Variants in VRK3 observed in about 807,000 individuals in gnomAD.
The protein encoded by VRK3 is VRK serine/threonine kinase 3.
VRK3 carries 50 observed loss-of-function variants against 60.4 expected under a neutral mutation model. The observed-to-expected ratio is 0.83, with a 90% confidence interval of 0.66 to 1.05. VRK3 has a LOEUF of 1.05. Ranked by LOEUF, VRK3 falls within the 50% of genes least tolerant of loss-of-function variation. VRK3 has a pLI of 0.00. For synonymous variants in VRK3, 246 were observed against 227.8 expected (o/e 1.08, Z -0.72); for missense variants, 549 against 585.3 (o/e 0.94, Z 0.64).
intron 12 of VRK3, among the ~76,000 whole-genome samples, chr19:49,985,446 A>G (rs2076495428): frequency 6.6e-6 from 1 of 152,190 alleles, no homozygotes; most frequent in South Asian, 2.1e-4. Flanking sequence ...GCAAATTAGC[A>G]TCAAACTGTG....
At chr19:50,012,305 T>C (rs1415188660) in intron 3 of VRK3, among the ~76,000 whole-genome samples, 1 of 152,152 alleles carries the variant, frequency 6.6e-6, no homozygotes, top group African/African-American at 2.4e-5. Context: ...GCTCAAACTT[T>C]ACCCACTTAG....
chr19:50,007,594 C>T lies in VRK3; in HGVS notation c.522G>A (p.Arg174=). The T allele has an allele frequency of 6.2e-7, 1 of 1,614,214 alleles. No homozygotes were observed. Among genetic ancestry groups the T allele is most frequent in the Non-Finnish European group, 8.5e-7 (1 of 1,180,028 alleles). The change falls in exon 5 of 15, where the codon AGG becomes AGA. Residue 174 remains arginine (R), a synonymous_variant. Coordinates refer to ENST00000316763, the MANE Select transcript of VRK3 (RefSeq NM_016440.4). ...CTTCATAGAGAATGCCCTGGTTGTC[C>T]CTGGTCTGGAAGGACTTCAGCTTCC... ...RQWKLKSFQT[R]DNQGILYEAA...
At chr19:50,012,623 G>A (rs10411894) in intron 3 of VRK3, among the ~76,000 whole-genome samples, 8,011 of 152,240 alleles carry the variant, frequency 0.053, 693 homozygotes, top group African/African-American at 0.18. Flanking sequence ...CTCTGGCCGG[G>A]TGCAGTGGCT....
intron 3 of VRK3, among the ~76,000 whole-genome samples, chr19:50,014,318 G>C (rs1446882153): frequency 6.6e-6 from 1 of 151,794 alleles, no homozygotes; most frequent in Non-Finnish European, 1.5e-5. Context: ...CAGTACTTTG[G>C]GAGGCCGAGG....
intron 3 of VRK3, among the ~76,000 whole-genome samples, chr19:50,014,668 C>T (rs1230908538): frequency 1.3e-5 from 2 of 152,202 alleles, no homozygotes; most frequent in Non-Finnish European, 2.9e-5. Flanking sequence ...GAGGGAGCGG[C>T]AAGCGCACAG....
intron 12 of VRK3, 70 bp downstream of exon 12, chr19:49,988,302 T>C (rs1402760611): frequency 6.4e-7 from 1 of 1,559,618 alleles, no homozygotes; most frequent in African/African-American, 1.4e-5. Flanking sequence ...CCAGTTGGGC[T>C]CTGGGCTTCT....
intron 12 of VRK3, among the ~76,000 whole-genome samples, chr19:49,984,321 T>C (rs1437506438): frequency 6.6e-6 from 1 of 152,112 alleles, no homozygotes; most frequent in South Asian, 2.1e-4. Context: ...AGCTGTGCTG[T>C]CCTGTCTGCC....
At chr19:49,990,098 C>T (rs1203533723) in intron 10 of VRK3, among the ~76,000 whole-genome samples, 1 of 151,906 alleles carries the variant, frequency 6.6e-6, no homozygotes, top group Non-Finnish European at 1.5e-5. Context: ...CCACAGAGGC[C>T]TCACACCAGA....
chr19:49,985,890 T>C (rs1029631800), intron 12 of VRK3, among the ~76,000 whole-genome samples: 2 of 152,094 alleles, frequency 1.3e-5, no homozygotes, highest in African/African-American at 4.8e-5. Flanking sequence ...ATGGCCCAGG[T>C]TTGAGCCCAG....
At chr19:49,988,158 GT>G (rs1261175064) in intron 12 of VRK3, 4 of 541,794 alleles carry the variant, frequency 7.4e-6, no homozygotes, top group Non-Finnish European at 1.2e-5. Context: ...CACAGTGGTG[GT>G]GCCAGAGTCT....
intron 12 of VRK3, chr19:49,987,698 A>AG (rs2076539792): frequency 8.1e-6 from 1 of 122,828 alleles, no homozygotes; most frequent in Admixed American, 8.4e-5. Context: ...ACACACAATG[A>AG]GCTTTTTTTT....
At chr19:49,995,324 A>G (rs778792960) in intron 7 of VRK3, 49 bp from the exon 8 acceptor site, 40 of 1,558,238 alleles carry the variant, frequency 2.6e-5, no homozygotes, top group Non-Finnish European at 3.4e-5. Flanking sequence ...TCCCAAGCCC[A>G]TGGCAGTAAG....
chr19:50,022,111 T>A (rs2122703212), intron 1 of VRK3, among the ~76,000 whole-genome samples: 1 of 152,238 alleles, frequency 6.6e-6, no homozygotes, highest in Non-Finnish European at 1.5e-5. Context: ...CTGACTCCAC[T>A]CACCTAGAAA....
chr19:49,977,204 C>CA (rs2076345146), intron 14 of VRK3, among the ~76,000 whole-genome samples: 1 of 151,248 alleles, frequency 6.6e-6, no homozygotes, highest in Non-Finnish European at 1.5e-5. Flanking sequence ...GGTCTAGAAT[C>CA]AGAGGGGCGG....
In VRK3 at chr19:49,997,450, C is replaced by G. The variant is rs889067961; in HGVS notation, c.679+54G>C. 5 of 1,598,418 alleles carry G rather than the reference C, an allele frequency of 3.1e-6. No homozygotes were observed. In the Admixed American group the frequency reaches 6.8e-5, roughly 22 times the overall value. On this transcript the variant is annotated intron_variant, in intron 7 of 14. Transcript: ENST00000316763. ...TGCAGGTAGAAGTCAAGTGCTGTGACCAAGTTGGCGCCCCCCTCACTCTCC... is the reference window on the plus strand; with the variant it reads ...TGCAGGTAGAAGTCAAGTGCTGTGAGCAAGTTGGCGCCCCCCTCACTCTCC...
chr19:50,002,809 C>T (rs1242188571), intron 5 of VRK3, among the ~76,000 whole-genome samples: 3 of 152,108 alleles, frequency 2.0e-5, no homozygotes, highest in Admixed American at 1.3e-4. Context: ...CAGGTTTCTG[C>T]TTGCCGGAAA....
rs1055586973 is a variant in VRK3 at position 50,000,653 on chromosome 19, G to A, written c.612+137C>T. ...AGAACTGGGCGCCTGCCCCGCCCAC[G>A]GTCTTAATACTCCTTGCAGGTGGGG... On this transcript the variant is annotated intron_variant, in intron 6 of 14. Transcript: ENST00000316763. 7 of 1,009,468 alleles carry A rather than the reference G, an allele frequency of 6.9e-6. 1 individual carries two copies. The highest frequency in any genetic ancestry group is 5.6e-4 in the Middle Eastern group (2 of 3,554). 62.5% of individuals were successfully genotyped at this position (1,009,468 alleles called of 1,614,324 possible).
In VRK3 at chr19:49,997,611, GTC is replaced by G. The variant is rs770855239; in HGVS notation, c.613-43_613-42del. On this transcript the variant is annotated intron_variant, in intron 6 of 14. Transcript: ENST00000316763. The stretch of plus-strand genomic sequence containing the variant: ...AGGGGCAGAAGGCTGTCACACTGAA[GTC>G]TCAGATAAGGGCCCCCAGTCCCCAC... 4 of 1,610,322 alleles carry G rather than the reference GTC, an allele frequency of 2.5e-6. No homozygotes were observed. The East Asian group carries it at 8.9e-5, about 36-fold the overall frequency.
intron 1 of VRK3, among the ~76,000 whole-genome samples, chr19:50,024,742 G>A (rs912556063): frequency 1.3e-5 from 2 of 152,208 alleles, no homozygotes; most frequent in Admixed American, 1.3e-4. Flanking sequence ...GCAATGGCCA[G>A]GTCAGGACTT....
Sources: allele counts gnomAD v4.1 joint callset (sites outside exome capture counted in the v4.1 genomes callset), GRCh38; gene constraint gnomAD v4.1.1; transcripts MANE v1.5; gene names NCBI Gene and HGNC (gene_info 2026-07-23, HGNC 2026-07-21).